Variants in PHLPP1 observed in about 807,000 individuals in gnomAD.
PHLPP1 encodes PH domain leucine-rich repeat-containing protein phosphatase 1.
In PHLPP1, 42 loss-of-function variants were observed where a neutral mutation model predicts 117.2. That is an observed-to-expected ratio of 0.36 (90% CI 0.28 to 0.46). PHLPP1 has a LOEUF of 0.46. Among genes scored for constraint, PHLPP1 ranks in the 20% least tolerant of loss-of-function variants. The pLI is 1.00. For synonymous variants in PHLPP1, 1,042 were observed against 970.7 expected, an observed-to-expected ratio of 1.07 and a Z score of -1.37; for missense variants, 2,084 against 2,241.9, an observed-to-expected ratio of 0.93 and a Z score of 1.42.
intron 1 of PHLPP1, among the ~76,000 whole-genome samples, chr18:62,774,772 A>G (rs1381780397): frequency 1.3e-5 from 2 of 152,144 alleles, no homozygotes; most frequent in South Asian, 2.1e-4. Flanking sequence ...AAAGTGTTCA[A>G]ATGTTTTCTG....
intron 12 of PHLPP1, among the ~76,000 whole-genome samples, chr18:62,946,779 C>T (rs1303121923): frequency 2.0e-5 from 3 of 152,038 alleles, no homozygotes; most frequent in African/African-American, 7.2e-5. Context: ...TTTGGCTGGG[C>T]GCGGTGGCTC....
At chr18:62,898,551 T>C (rs1400562150) in intron 6 of PHLPP1, among the ~76,000 whole-genome samples, 3 of 152,084 alleles carry the variant, frequency 2.0e-5, no homozygotes, top group African/African-American at 7.2e-5. Context: ...TCATATTTGG[T>C]TTCAGCCCAC....
chr18:62,750,055 A>C (rs1295046855), intron 1 of PHLPP1, among the ~76,000 whole-genome samples: 1 of 152,030 alleles, frequency 6.6e-6, no homozygotes, highest in African/African-American at 2.4e-5. Flanking sequence ...AAAACAAAAA[A>C]AGAATACCAG....
intron 4 of PHLPP1, among the ~76,000 whole-genome samples, chr18:62,878,791 T>C (rs1285503272): frequency 3.9e-5 from 6 of 152,170 alleles, no homozygotes. Flanking sequence ...TGTGTGTGTG[T>C]GTGTGTGTCT....
At position 62,716,130 on chromosome 18, in the gene PHLPP1, G is replaced by T; in HGVS notation, c.447G>T (p.Ser149=). The change falls in exon 1 of 17, where the codon TCG becomes TCT. Residue 149 remains serine (S), a synonymous_variant. Coordinates refer to ENST00000262719, the MANE Select transcript of PHLPP1 (RefSeq NM_194449.4). This position sits in a 1 kb window ranked among gnomAD's most constrained non-coding sequence, Gnocchi z 5.7. ...SSSSSSAAAA[S]HSPGAAGLPA... is the part of the protein sequence containing the mutation. ...CGTCGTCCTCGGCCGCTGCTGCCTCGCACTCCCCCGGCGCTGCCGGCCTCC... is the reference window on the plus strand; with the variant it reads ...CGTCGTCCTCGGCCGCTGCTGCCTCTCACTCCCCCGGCGCTGCCGGCCTCC... The T allele has an allele frequency of 1.2e-5, 18 of 1,515,928 alleles. No individual in the cohort carries two copies. Among genetic ancestry groups the T allele is most frequent in the Non-Finnish European group, 1.6e-5 (18 of 1,138,606 alleles). 93.9% of individuals were successfully genotyped at this position (1,515,928 alleles called of 1,614,324 possible). A position where few individuals can be genotyped will look rare whatever the true frequency, so the allele number is the denominator to read the frequency against.
intron 4 of PHLPP1, among the ~76,000 whole-genome samples, chr18:62,889,024 C>G (rs762762245): frequency 3.3e-5 from 5 of 152,192 alleles, no homozygotes; most frequent in Non-Finnish European, 7.3e-5. Flanking sequence ...CTGCAAATGT[C>G]CTATAATCTG....
chr18:62,814,892 A>G (rs1018346551), intron 1 of PHLPP1, among the ~76,000 whole-genome samples: 1 of 152,162 alleles, frequency 6.6e-6, no homozygotes, highest in Admixed American at 6.5e-5. Context: ...ATTATGTGAA[A>G]CCAACACAGT....
chr18:62,729,544 G>A (rs1313994021), intron 1 of PHLPP1, among the ~76,000 whole-genome samples: 1 of 152,138 alleles, frequency 6.6e-6, no homozygotes, highest in Non-Finnish European at 1.5e-5. Flanking sequence ...GCATGGTGGT[G>A]TGCGGCTGTA....
chr18:62,848,501 C>T (rs1463020436), intron 3 of PHLPP1, among the ~76,000 whole-genome samples: 3 of 119,706 alleles, frequency 2.5e-5, no homozygotes, highest in East Asian at 2.5e-4. Context: ...CTCACTGTGT[C>T]GCTCAAGCTG....
chr18:62,846,209 C>CAAAAAAAAAAA (rs34577472), intron 3 of PHLPP1, among the ~76,000 whole-genome samples: 1 of 78,678 alleles, frequency 1.3e-5, no homozygotes, highest in Non-Finnish European at 2.3e-5. Context: ...AACTCCATCT[C>CAAAAAAAAAAA]AAAAAAAAAA....
At chr18:62,823,336 G>T (rs1055070677) in intron 1 of PHLPP1, among the ~76,000 whole-genome samples, 1 of 152,052 alleles carries the variant, frequency 6.6e-6, no homozygotes, top group African/African-American at 2.4e-5. Flanking sequence ...GGCCGAGGTG[G>T]AAGCATTGTT....
At chr18:62,818,626 T>A (rs1914358619) in intron 1 of PHLPP1, among the ~76,000 whole-genome samples, 2 of 152,044 alleles carry the variant, frequency 1.3e-5, no homozygotes, top group African/African-American at 4.8e-5. Flanking sequence ...TCGTAAGAAA[T>A]GTCAAGCCAT....
chr18:62,716,940 C>A lies in PHLPP1; in HGVS notation c.1257C>A (p.Ala419=). ...TASSPQPQQK[A]PRAIDSPGGA... is the part of the protein sequence containing the mutation. Reference sequence around the variant, plus strand: ...CCTCGCCTCAGCCGCAGCAGAAAGCCCCGAGGGCCATTGACAGCCCGGGCG... The same window carrying A: ...CCTCGCCTCAGCCGCAGCAGAAAGCACCGAGGGCCATTGACAGCCCGGGCG... The change falls in exon 1 of 17, where the codon GCC becomes GCA. Residue 419 remains alanine (A), a synonymous_variant. Coordinates refer to ENST00000262719, the MANE Select transcript of PHLPP1 (RefSeq NM_194449.4). The surrounding 1 kb of genome is among the most constrained non-coding windows in gnomAD (Gnocchi z 5.7). 6.5e-7 allele frequency: 1 copy of A among 1,536,652 alleles called. No individual in the cohort carries two copies. The highest frequency in any genetic ancestry group is 8.7e-7 in the Non-Finnish European group (1 of 1,145,896).
chr18:62,761,534 G>C (rs1310820842), intron 1 of PHLPP1, among the ~76,000 whole-genome samples: 3 of 152,110 alleles, frequency 2.0e-5, no homozygotes. Flanking sequence ...TTGGGAGGCT[G>C]AGGCATGAGA....
At chr18:62,836,046 A>G (rs915968389) in intron 2 of PHLPP1, among the ~76,000 whole-genome samples, 2 of 151,732 alleles carry the variant, frequency 1.3e-5, no homozygotes, top group African/African-American at 4.8e-5. Context: ...CTTCCAAAGT[A>G]TTGGGATTAT....
chr18:62,924,054 A>G (rs1909552433), intron 10 of PHLPP1, among the ~76,000 whole-genome samples: 2 of 152,250 alleles, frequency 1.3e-5, no homozygotes, highest in Non-Finnish European at 2.9e-5. Flanking sequence ...CTAACTGCAC[A>G]ATAAACTATA....
At chr18:62,835,054 C>G (rs1434853703) in intron 2 of PHLPP1, among the ~76,000 whole-genome samples, 1 of 151,920 alleles carries the variant, frequency 6.6e-6, no homozygotes, top group Non-Finnish European at 1.5e-5. Context: ...TAATATGATG[C>G]CTGTAGGTTT....
intron 3 of PHLPP1, among the ~76,000 whole-genome samples, chr18:62,859,337 C>T (rs1280839827): frequency 2.6e-5 from 4 of 152,182 alleles, no homozygotes; most frequent in South Asian, 4.1e-4. Flanking sequence ...GTGGTCAGTG[C>T]GTTTTCTGCT....
chr18:62,783,229 CTTT>C (rs71340114), intron 1 of PHLPP1, among the ~76,000 whole-genome samples: 2 of 106,424 alleles, frequency 1.9e-5, no homozygotes, highest in Non-Finnish European at 3.9e-5. Context: ...TTTTTTTTTT[CTTT>C]TTTTTTTTTT....
Sources: gnomAD v4.1 joint callset for allele counts (sites outside exome capture counted in the v4.1 genomes callset) on GRCh38, gnomAD v4.1.1 for gene constraint, Gnocchi (gnomAD v3.1) non-coding constraint, MANE v1.5 for transcripts, NCBI Gene and HGNC (gene_info 2026-07-23, HGNC 2026-07-21) for gene names.